Variants in MPHOSPH10 observed in about 807,000 individuals in gnomAD.
The protein encoded by MPHOSPH10 is M-phase phosphoprotein 10.
In MPHOSPH10, 33 loss-of-function variants were observed where a neutral mutation model predicts 77.3. The observed-to-expected ratio is 0.43, with a 90% confidence interval of 0.32 to 0.57. The LOEUF (loss-of-function observed/expected upper bound fraction) is 0.57. MPHOSPH10 is among the 20% of genes least tolerant of loss of function. The pLI, the probability that MPHOSPH10 is intolerant of heterozygous loss-of-function variation, is 0.07. For missense variants in MPHOSPH10, 708 were observed against 780.1 expected (o/e 0.91, Z 1.10); for synonymous variants, 245 against 268.0 (o/e 0.91, Z 0.84).
At chr2:71,145,394 A>G (rs1166755741) in intron 8 of MPHOSPH10, among the ~76,000 whole-genome samples, 1 of 152,160 alleles carries the variant, frequency 6.6e-6, no homozygotes, top group Non-Finnish European at 1.5e-5. Flanking sequence ...TGTACCGAAG[A>G]GCTAATCTCC....
Position 71,133,006 on chromosome 2 carries a change from T to C in MPHOSPH10, c.198T>C (p.Leu66=), listed in dbSNP as rs1673416787. The C allele has an allele frequency of 6.2e-7, 1 of 1,614,134 alleles. No individual in the cohort carries two copies. The highest frequency in any genetic ancestry group is 1.3e-5 in the African/African-American group (1 of 75,044). The change falls in exon 2 of 11, where the codon CTT becomes CTC. Residue 66 remains leucine (L), a synonymous_variant. Coordinates refer to ENST00000244230, the MANE Select transcript of MPHOSPH10 (RefSeq NM_005791.3). ...TCCATGGAAGCCCCTTGCAAAAACT[T>C]GTGATAGAAAATTTTGATGATGAGC... is the stretch of plus-strand genomic sequence containing the variant. ...GRIHGSPLQK[L]VIENFDDEQI...
intron 8 of MPHOSPH10, among the ~76,000 whole-genome samples, chr2:71,144,757 G>A (rs537430289): frequency 6.6e-6 from 1 of 152,258 alleles, no homozygotes; most frequent in South Asian, 2.1e-4. Flanking sequence ...GGCTGGGCAT[G>A]GTCAGGCATC....
chr2:71,147,629 C>T (rs991209251), intron 8 of MPHOSPH10, among the ~76,000 whole-genome samples: 2 of 151,748 alleles, frequency 1.3e-5, no homozygotes, highest in Non-Finnish European at 2.9e-5. Flanking sequence ...GCCGAGATAG[C>T]GCCAGTGCAC....
At chr2:71,148,136 T>C in intron 9 of MPHOSPH10, 30 bp downstream of exon 9, 1 of 1,565,434 alleles carries the variant, frequency 6.4e-7, no homozygotes, top group Non-Finnish European at 8.8e-7. Context: ...ACCTTAAATG[T>C]CTGTTACAAG....
At chr2:71,131,077 G>A (rs1165899467) in intron 1 of MPHOSPH10, among the ~76,000 whole-genome samples, 1 of 152,106 alleles carries the variant, frequency 6.6e-6, no homozygotes, top group Non-Finnish European at 1.5e-5. Context: ...TGCTCTCAAA[G>A]CACTTAGCGC....
In MPHOSPH10 at chr2:71,138,726, T is replaced by A. The variant is rs774167572; in HGVS notation, c.1240+95T>A. The A allele has an allele frequency of 1.1e-5, 17 of 1,537,946 alleles. No individual in the cohort carries two copies. The South Asian group carries it at 2.0e-4, about 18-fold the overall frequency. On this transcript the variant is annotated intron_variant, in intron 5 of 10. Transcript: ENST00000244230. ...GGGTGGTGTTTCTTTTCCCTCAACT[T>A]TTTATTTTAAAAACTTGTAAACACA...
intron 1 of MPHOSPH10, chr2:71,130,956 G>A: frequency 1.8e-6 from 1 of 571,120 alleles, no homozygotes; most frequent in Non-Finnish European, 3.1e-6. Flanking sequence ...TCTCAGTTGA[G>A]TGTTACTGAA....
At chr2:71,143,359 C>CTGACCTCG (rs1646572061) in intron 7 of MPHOSPH10, among the ~76,000 whole-genome samples, 2 of 152,046 alleles carry the variant, frequency 1.3e-5, no homozygotes, top group South Asian at 4.2e-4. Context: ...TCTCGATCTC[C>CTGACCTCG]TGACCTCGTG....
chr2:71,141,187 T>G (rs377497237), intron 6 of MPHOSPH10, 45 bp from the exon 7 acceptor site: 14 of 1,285,844 alleles, frequency 1.1e-5, no homozygotes, highest in South Asian at 2.9e-5. Context: ...AACCTAGAAA[T>G]AAATTGTAGG....
Position 71,130,764 on chromosome 2 carries a change from C to G in MPHOSPH10, c.89+10C>G, listed in dbSNP as rs768953244. 1 of 1,599,806 alleles carries G rather than the reference C, an allele frequency of 6.3e-7. No homozygotes were observed. The highest frequency in any genetic ancestry group is 1.1e-5 in the South Asian group (1 of 89,982). On this transcript the variant is annotated intron_variant, in intron 1 of 10. Coordinates refer to ENST00000244230, the MANE Select transcript of MPHOSPH10 (RefSeq NM_005791.3). Reference sequence around the variant, plus strand: ...CCGAGTGCTTCCTCACGTAAGTGCGCAGATCCCGGGCTCGGGGTGCGACCG... The same window carrying G: ...CCGAGTGCTTCCTCACGTAAGTGCGGAGATCCCGGGCTCGGGGTGCGACCG...
At position 71,149,278 on chromosome 2, in the gene MPHOSPH10, A is replaced by G. The variant is rs758403242; in HGVS notation, c.1721A>G (p.Lys574Arg). The G allele has an allele frequency of 6.2e-7, 1 of 1,602,022 alleles. No homozygotes were observed. Among genetic ancestry groups the G allele is most frequent in the Non-Finnish European group, 8.5e-7 (1 of 1,173,930 alleles). ...GCTGCTGAAAAAACAGCTACAGACAAGAAACGAGAGCGAAGGAAAAAGAAA... is the reference window on the plus strand; with the variant it reads ...GCTGCTGAAAAAACAGCTACAGACAGGAAACGAGAGCGAAGGAAAAAGAAA... ...KTAAEKTATD[K>R]KRERRKKKYQ... Residue 574 changes from lysine to arginine, a missense_variant, in exon 10 of 11, where the codon AAG becomes AGG. By Grantham distance (26) the Lys-to-Arg change is conservative. Around this residue, in one of 3 missense-constraint regions of MPHOSPH10, gnomAD observed 263 missense variants for 320.0 expected, o/e 0.82. Coordinates refer to ENST00000244230, the MANE Select transcript of MPHOSPH10 (RefSeq NM_005791.3).
chr2:71,133,999 G>T lies in MPHOSPH10; in HGVS notation c.820G>T (p.Glu274Ter). 1 of 1,602,230 alleles carries T rather than the reference G, an allele frequency of 6.2e-7. No individual in the cohort carries two copies. The highest frequency in any genetic ancestry group is 1.3e-5 in the African/African-American group (1 of 74,674). ...ATACAAAGATTTTTTTGATCCAGTTGAAAGTGATGAAGACATAACAAATGT... is the reference window on the plus strand; with the variant it reads ...ATACAAAGATTTTTTTGATCCAGTTTAAAGTGATGAAGACATAACAAATGT... ...LKYKDFFDPV[E>*]SDEDITNVHD... The change falls in exon 3 of 11, where the codon GAA (glutamate) becomes TAA (stop). Residue 274 changes from glutamate (E) to a stop codon, truncating the protein, a stop_gained. Transcript: ENST00000244230. LOFTEE classifies it high-confidence loss of function.
At position 71,143,709 on chromosome 2, in the gene MPHOSPH10, T is replaced by A. The variant is rs538832042; in HGVS notation, c.1447-719T>A. Among the ~76,000 whole-genome samples the A allele has an allele frequency of 2.6e-5, 4 of 152,340 alleles. No homozygotes were observed. In the South Asian group the frequency reaches 8.3e-4, roughly 32 times the overall value. ...TGAGTATTTGATATAAATGGAACCA[T>A]ACCATATGTGGCCTTCCATTTCTGA... On this transcript the variant is annotated intron_variant, in intron 7 of 10. Coordinates refer to ENST00000244230, the MANE Select transcript of MPHOSPH10 (RefSeq NM_005791.3).
chr2:71,142,892 A>G (rs1673636971), intron 7 of MPHOSPH10, among the ~76,000 whole-genome samples: 1 of 152,214 alleles, frequency 6.6e-6, no homozygotes, highest in Non-Finnish European at 1.5e-5. Context: ...TCATGTCTTA[A>G]TAACAAACAA....
intron 7 of MPHOSPH10, among the ~76,000 whole-genome samples, chr2:71,141,832 C>T (rs1012034439): frequency 6.6e-6 from 1 of 151,924 alleles, no homozygotes; most frequent in Non-Finnish European, 1.5e-5. Flanking sequence ...GAGTTTTAGA[C>T]CTGCCTGGCC....
rs1289290643 is a variant in MPHOSPH10 at position 71,133,115 on chromosome 2, G to C, written c.307G>C (p.Asp103His). The C allele has an allele frequency of 2.0e-5, 33 of 1,614,014 alleles. No homozygotes were observed. Among genetic ancestry groups the C allele is most frequent in the Non-Finnish European group, 2.8e-5 (33 of 1,180,004 alleles). Residue 103 changes from aspartate (D) to histidine (H), a missense_variant, in exon 2 of 11, where the codon GAT becomes CAT. By Grantham distance (81) the Asp-to-His change is moderately conservative (BLOSUM62 -1). Transcript: ENST00000244230. ...NAVSETINDE[D>H]ISLLPESEEQ... ...AGTTAGTGAAACAATTAATGATGAA[G>C]ATATCAGTCTTCTCCCAGAGAGTGA... is the stretch of plus-strand genomic sequence containing the variant.
At chr2:71,149,806 T>C in intron 10 of MPHOSPH10, 60 bp from the exon 11 acceptor site, 1 of 1,387,718 alleles carries the variant, frequency 7.2e-7, no homozygotes, top group South Asian at 1.6e-5. Flanking sequence ...GTACTATTTT[T>C]GGCTTTTTTC....
At position 71,134,639 on chromosome 2, in the gene MPHOSPH10, G is replaced by A. The variant is rs773267079; in HGVS notation, c.940G>A (p.Asp314Asn). The change falls in exon 4 of 11, where the codon GAC (aspartate) becomes AAC (asparagine). Residue 314 changes from aspartate to asparagine, a missense_variant. Transcript: ENST00000244230. ...TTGGTATTGTAGGGATGAAGATGAT[G>A]ACCTTCAAGAAAATGAAGACAATAA... ...LSISETDEDD[D>N]LQENEDNKQH... 2.9e-5 allele frequency: 47 copies of A among 1,601,020 alleles called. No individual in the cohort carries two copies. The highest frequency in any genetic ancestry group is 3.6e-5 in the Non-Finnish European group (42 of 1,176,298).
chr2:71,149,240 A>C lies in MPHOSPH10; in HGVS notation c.1683A>C (p.Gly561=), dbSNP rs368353172. The change falls in exon 10 of 11, where the codon GGA becomes GGC. Residue 561 remains glycine (G), a synonymous_variant. Transcript: ENST00000244230. Reference sequence around the variant, plus strand: ...TTTAATAGGAGAAAAATAAAGCTGGAGATATAAAAACAGCTGCTGAAAAAA... The same window carrying C: ...TTTAATAGGAGAAAAATAAAGCTGGCGATATAAAAACAGCTGCTGAAAAAA... ...PEEIKEKNKA[G]DIKTAAEKTA... is the part of the protein sequence containing the mutation. The C allele has an allele frequency of 5.8e-5, 91 of 1,568,922 alleles. No homozygotes were observed. Among genetic ancestry groups the C allele is most frequent in the Admixed American group, 2.7e-4 (14 of 52,154 alleles).
Sources: gnomAD v4.1 joint callset for allele counts (sites outside exome capture counted in the v4.1 genomes callset) on GRCh38, gnomAD v4.1.1 for gene constraint, gnomAD v4.1.1 regional missense constraint, MANE v1.5 for transcripts, NCBI Gene and HGNC (gene_info 2026-07-23, HGNC 2026-07-21) for gene names.